The following CNOT4 variants were observed in gnomAD, a reference collection of about 807,000 sequenced individuals.
CNOT4 encodes CCR4-associated factor 4.
A neutral mutation model predicts 73.8 loss-of-function variants in CNOT4; 8 were observed. That is an observed-to-expected ratio of 0.11 (90% CI 0.06 to 0.20). The LOEUF is 0.20. Among genes scored for constraint, CNOT4 ranks in the 10% least tolerant of loss-of-function variants. CNOT4 has a pLI of 1.00. For missense variants in CNOT4, 564 were observed against 883.4 expected (o/e 0.64, Z 4.58); for synonymous variants, 293 against 321.1 (o/e 0.91, Z 0.94).
chr7:135,488,642 A>G (rs1802899727), intron 1 of CNOT4, among the ~76,000 whole-genome samples: 1 of 152,202 alleles, frequency 6.6e-6, no homozygotes, highest in Admixed American at 6.5e-5. Flanking sequence ...GTTTTATGTT[A>G]AAGCAGACAA....
At chr7:135,453,582 C>T (rs1033577735) in intron 1 of CNOT4, among the ~76,000 whole-genome samples, 10 of 151,294 alleles carry the variant, frequency 6.6e-5, no homozygotes, top group Admixed American at 5.3e-4. Flanking sequence ...ATGGAGGAAG[C>T]GTACAGTAAG....
At chr7:135,431,085 C>T (rs549279690) in intron 2 of CNOT4, among the ~76,000 whole-genome samples, 16 of 152,108 alleles carry the variant, frequency 1.1e-4, no homozygotes, top group Non-Finnish European at 7.4e-5. Context: ...GGCAACACAG[C>T]GAGACCTTTA....
rs528840503 is a variant in CNOT4 at position 135,416,133 on chromosome 7, C to T, written c.373-871G>A. Among the ~76,000 whole-genome samples, 26 of 152,270 alleles carry T rather than the reference C, an allele frequency of 1.7e-4. No homozygotes were observed. The South Asian group carries it at 4.6e-3, about 27-fold the overall frequency. ...TCTTTAGACCTACTGTTCCTACAAT[C>T]TCTCCAAATAGCAAGCTCTCTGCAA... On this transcript the variant is annotated intron_variant, in intron 3 of 11. Coordinates refer to ENST00000541284, the MANE Select transcript of CNOT4 (RefSeq NM_001190850.2).
chr7:135,385,177 AC>A (rs1796060229), intron 10 of CNOT4, among the ~76,000 whole-genome samples: 1 of 152,240 alleles, frequency 6.6e-6, no homozygotes, highest in African/African-American at 2.4e-5. Flanking sequence ...TGTTCAAACT[AC>A]ATTTTTGCTA....
chr7:135,473,653 G>A (rs767394123), intron 1 of CNOT4, among the ~76,000 whole-genome samples: 4 of 152,140 alleles, frequency 2.6e-5, no homozygotes, highest in Non-Finnish European at 1.5e-5. Context: ...AGGCTAAGGT[G>A]AGAAGATGGC....
intron 1 of CNOT4, among the ~76,000 whole-genome samples, chr7:135,488,696 C>T (rs1222499104): frequency 6.6e-6 from 1 of 151,966 alleles, no homozygotes; most frequent in Non-Finnish European, 1.5e-5. Flanking sequence ...CACTTTTTTA[C>T]CTGATAAAAT....
intron 1 of CNOT4, among the ~76,000 whole-genome samples, chr7:135,487,179 T>C (rs1802775612): frequency 6.6e-6 from 1 of 151,112 alleles, no homozygotes; most frequent in Non-Finnish European, 1.5e-5. Flanking sequence ...TTTTAGCTTG[T>C]TGGCCCAATC....
chr7:135,372,393 C>T (rs1585545764), intron 10 of CNOT4, among the ~76,000 whole-genome samples: 1 of 152,110 alleles, frequency 6.6e-6, no homozygotes, highest in South Asian at 2.1e-4. Context: ...CAGTGTATTG[C>T]AATCATTTGT....
At chr7:135,426,352 C>T (rs1798494934) in intron 2 of CNOT4, among the ~76,000 whole-genome samples, 2 of 152,152 alleles carry the variant, frequency 1.3e-5, no homozygotes. Flanking sequence ...CCTGTAATCC[C>T]AGCACTTTGG....
At chr7:135,463,111 T>C (rs1800977698) in intron 1 of CNOT4, among the ~76,000 whole-genome samples, 1 of 152,226 alleles carries the variant, frequency 6.6e-6, no homozygotes, top group Non-Finnish European at 1.5e-5. Context: ...ACCAGTGTCA[T>C]GCTGTTTTGG....
chr7:135,432,561 T>C (rs772895254), intron 2 of CNOT4, among the ~76,000 whole-genome samples: 1 of 152,220 alleles, frequency 6.6e-6, no homozygotes, highest in Non-Finnish European at 1.5e-5. Flanking sequence ...CTCTGATGTG[T>C]TGCATTTTGG....
chr7:135,469,697 T>A (rs1038298401), intron 1 of CNOT4, among the ~76,000 whole-genome samples: 1 of 152,220 alleles, frequency 6.6e-6, no homozygotes, highest in African/African-American at 2.4e-5. Context: ...ATTTCCTATA[T>A]GGCCTAGCAA....
chr7:135,426,452 A>T (rs1276639144), intron 2 of CNOT4, among the ~76,000 whole-genome samples: 2 of 151,878 alleles, frequency 1.3e-5, no homozygotes, highest in African/African-American at 4.8e-5. Flanking sequence ...AATAAAAAAA[A>T]ATTAGCCGGG....
chr7:135,419,365 T>G (rs1395221968), intron 3 of CNOT4, among the ~76,000 whole-genome samples: 3 of 152,212 alleles, frequency 2.0e-5, no homozygotes, highest in Non-Finnish European at 4.4e-5. Flanking sequence ...AATTTGAACC[T>G]TCTTTTGAGT....
At chr7:135,386,385 A>G (rs1796120501) in intron 10 of CNOT4, 2 of 152,128 alleles carry the variant, frequency 1.3e-5, no homozygotes, top group South Asian at 2.1e-4. Flanking sequence ...TCCCTTGCAC[A>G]TGATGCATCA....
At chr7:135,410,746 A>C in intron 6 of CNOT4, 98 bp from the exon 7 acceptor site, 2 of 684,650 alleles carry the variant, frequency 2.9e-6, no homozygotes. Context: ...TTTTAAATAA[A>C]ATAAATAATA....
At chr7:135,400,914 T>A (rs900631720) in intron 7 of CNOT4, among the ~76,000 whole-genome samples, 1 of 152,166 alleles carries the variant, frequency 6.6e-6, no homozygotes, top group Admixed American at 6.5e-5. Context: ...AATAAAGATA[T>A]AACTAGAAAT....
At chr7:135,480,216 A>C (rs1323725034) in intron 1 of CNOT4, among the ~76,000 whole-genome samples, 1 of 152,174 alleles carries the variant, frequency 6.6e-6, no homozygotes, top group Non-Finnish European at 1.5e-5. Context: ...TTTTTATGCC[A>C]CCTAGGGTTT....
Position 135,366,265 on chromosome 7 carries a change from T to C in CNOT4, c.1628-2199A>G, listed in dbSNP as rs1395173145. 3.9e-5 allele frequency among the ~76,000 whole-genome samples: 6 copies of C among 152,344 alleles called. No homozygotes were observed. In the East Asian group the frequency reaches 1.2e-3, roughly 29 times the overall value. On this transcript the variant is annotated intron_variant, in intron 10 of 11. Transcript: ENST00000541284. The stretch of plus-strand genomic sequence containing the variant: ...CAATGAAATTGAGGAACATTTAATT[T>C]TGCATTAACAGAATAACACTTGCAT...
Sources: allele counts gnomAD v4.1 joint callset (sites outside exome capture counted in the v4.1 genomes callset), GRCh38; gene constraint gnomAD v4.1.1; transcripts MANE v1.5; gene names NCBI Gene and HGNC (gene_info 2026-07-23, HGNC 2026-07-21).